LRRTM4: variants seen among roughly 807,000 people sequenced by gnomAD.
The protein encoded by LRRTM4 is leucine rich repeat transmembrane neuronal 4, also known as leucine-rich repeat transmembrane neuronal protein 4.
Under a neutral mutation model 47.6 loss-of-function variants are expected in LRRTM4, and 25 were observed. The observed-to-expected ratio is 0.53, with a 90% confidence interval of 0.38 to 0.73. The LOEUF is 0.73. LRRTM4 is among the 30% of genes least tolerant of loss of function. LRRTM4 has a pLI of 0.00. For synonymous variants in LRRTM4, 311 were observed against 269.5 expected (o/e 1.15, Z -1.51); for missense variants, 638 against 713.4 (o/e 0.89, Z 1.20).
At chr2:77,509,794 A>G (rs999886196) in intron 3 of LRRTM4, among the ~76,000 whole-genome samples, 1 of 152,178 alleles carries the variant, frequency 6.6e-6, no homozygotes, top group Non-Finnish European at 1.5e-5. Flanking sequence ...TGAAAAAATT[A>G]TATCACAGAA....
intron 3 of LRRTM4, among the ~76,000 whole-genome samples, chr2:76,796,435 G>C (rs1368667338): frequency 1.5e-5 from 2 of 132,952 alleles, no homozygotes; most frequent in East Asian, 4.4e-4. Flanking sequence ...GCTTTGAAGA[G>C]AGCTGTGGTT....
chr2:76,855,511 G>A (rs930097002), intron 3 of LRRTM4, among the ~76,000 whole-genome samples: 1 of 152,182 alleles, frequency 6.6e-6, no homozygotes, highest in Non-Finnish European at 1.5e-5. Flanking sequence ...TCTGGGAATA[G>A]ATTAGTGCCG....
At position 76,872,607 on chromosome 2, in the gene LRRTM4, A is replaced by G. The variant is rs575749753; in HGVS notation, c.1552-123691T>C. 6.6e-5 allele frequency among the ~76,000 whole-genome samples: 10 copies of G among 152,048 alleles called. No individual in the cohort carries two copies. In the East Asian group the frequency reaches 1.8e-3, roughly 27 times the overall value. On this transcript the variant is annotated intron_variant, in intron 3 of 3. Coordinates refer to ENST00000409884, the MANE Select transcript of LRRTM4 (RefSeq NM_001134745.3). ...TAATACTGCTGGTGGGGTCACAGAC[A>G]TATCTTGTTTCCTAAGTTTGGCTGC...
intron 3 of LRRTM4, among the ~76,000 whole-genome samples, chr2:76,790,873 C>T (rs535133031): frequency 3.3e-5 from 5 of 152,256 alleles, no homozygotes; most frequent in Admixed American, 3.3e-4. Context: ...GGCAATGATG[C>T]TGTCTGACTG....
intron 3 of LRRTM4, among the ~76,000 whole-genome samples, chr2:77,343,446 A>G (rs2104280923): frequency 6.6e-6 from 1 of 152,116 alleles, no homozygotes; most frequent in East Asian, 1.9e-4. Context: ...CTTGAAGACT[A>G]GTTGCTCTGA....
intron 3 of LRRTM4, among the ~76,000 whole-genome samples, chr2:77,216,441 C>T (rs1278956497): frequency 4.0e-5 from 6 of 151,630 alleles, no homozygotes; most frequent in Admixed American, 1.3e-4. Context: ...CCGAGGTGGG[C>T]GGATCACGAG....
intron 3 of LRRTM4, among the ~76,000 whole-genome samples, chr2:76,960,957 ATAC>A (rs747310504): frequency 7.3e-4 from 111 of 151,688 alleles, no homozygotes; most frequent in Admixed American, 1.3e-3. Context: ...TATTAAAGTA[ATAC>A]TACAAGATAA....
chr2:77,236,111 G>A (rs77060302), intron 3 of LRRTM4, among the ~76,000 whole-genome samples: 4,739 of 152,144 alleles, frequency 0.031, 266 homozygotes, highest in African/African-American at 0.11. Context: ...GCTTTGGGCA[G>A]TATGGTCATT....
Position 76,790,712 on chromosome 2 carries a change from A to C in LRRTM4, c.1552-41796T>G, listed in dbSNP as rs932938048. Reference sequence around the variant, plus strand: ...TTAATTGGATAGACCCCCCCCCACCACCTCAGTGAAATTTAACAGGCAAAA... The same window carrying C: ...TTAATTGGATAGACCCCCCCCCACCCCCTCAGTGAAATTTAACAGGCAAAA... On this transcript the variant is annotated intron_variant, in intron 3 of 3. Coordinates refer to ENST00000409884, the MANE Select transcript of LRRTM4 (RefSeq NM_001134745.3). Among the ~76,000 whole-genome samples the C allele has an allele frequency of 4.0e-5, 6 of 148,546 alleles. No homozygotes were observed. In the East Asian group the frequency reaches 1.2e-3, roughly 30 times the overall value.
chr2:77,070,660 T>A (rs534784175), intron 3 of LRRTM4, among the ~76,000 whole-genome samples: 1 of 152,316 alleles, frequency 6.6e-6, no homozygotes, highest in African/African-American at 2.4e-5. Context: ...GACAGAGTTT[T>A]GCTCTTGTTG....
intron 3 of LRRTM4, among the ~76,000 whole-genome samples, chr2:77,349,199 T>C (rs1444407480): frequency 2.6e-5 from 4 of 152,018 alleles, no homozygotes; most frequent in African/African-American, 7.2e-5. Flanking sequence ...AAATTAATTA[T>C]TGACTTTTGT....
intron 3 of LRRTM4, among the ~76,000 whole-genome samples, chr2:76,808,947 C>T (rs773529910): frequency 1.3e-5 from 2 of 152,106 alleles, no homozygotes; most frequent in Non-Finnish European, 2.9e-5. Context: ...ATATCTCTGT[C>T]CTCCACACCA....
intron 3 of LRRTM4, among the ~76,000 whole-genome samples, chr2:77,093,477 C>T (rs1215595908): frequency 1.3e-5 from 2 of 151,240 alleles, no homozygotes. Flanking sequence ...AATATCACCC[C>T]TTACACAAGA....
chr2:77,477,779 C>A (rs145069301), intron 3 of LRRTM4, among the ~76,000 whole-genome samples: 1 of 142,660 alleles, frequency 7.0e-6, no homozygotes, highest in Non-Finnish European at 1.5e-5. Flanking sequence ...GTAGAGGTTG[C>A]GGTGAGCCCA....
intron 3 of LRRTM4, among the ~76,000 whole-genome samples, chr2:76,839,160 G>A (rs376175343): frequency 2.0e-5 from 3 of 152,064 alleles, no homozygotes; most frequent in Admixed American, 2.0e-4. Flanking sequence ...CAAATTAAGG[G>A]ACAACGTGAG....
At chr2:77,322,526 C>G (rs1045950714) in intron 3 of LRRTM4, among the ~76,000 whole-genome samples, 17 of 151,782 alleles carry the variant, frequency 1.1e-4, no homozygotes, top group Non-Finnish European at 2.4e-4. Context: ...TAGAACATTT[C>G]TATATCCAAT....
chr2:77,062,994 G>T (rs369101655), intron 3 of LRRTM4, among the ~76,000 whole-genome samples: 2 of 138,838 alleles, frequency 1.4e-5, no homozygotes, highest in African/African-American at 2.7e-5. Context: ...TTGCTCTGTC[G>T]CCCAGGCTGG....
chr2:77,478,244 G>GA (rs1400599368), intron 3 of LRRTM4, among the ~76,000 whole-genome samples: 1 of 152,106 alleles, frequency 6.6e-6, no homozygotes, highest in Non-Finnish European at 1.5e-5. Context: ...TTTTATTTAT[G>GA]AAAATCATCT....
chr2:76,831,840 G>A (rs563298418), intron 3 of LRRTM4, among the ~76,000 whole-genome samples: 12 of 151,892 alleles, frequency 7.9e-5, no homozygotes, highest in African/African-American at 2.2e-4. Flanking sequence ...TTATATTTTT[G>A]TGCAGAAGGA....
Sources: allele counts gnomAD v4.1 joint callset (sites outside exome capture counted in the v4.1 genomes callset), GRCh38; gene constraint gnomAD v4.1.1; transcripts MANE v1.5; gene names NCBI Gene and HGNC (gene_info 2026-07-23, HGNC 2026-07-21).